GPATCH11: variants seen among roughly 807,000 people sequenced by gnomAD.
The protein encoded by GPATCH11 is G patch domain-containing protein 11.
A neutral mutation model predicts 44.8 loss-of-function variants in GPATCH11; 32 were observed. That is an observed-to-expected ratio of 0.71 (90% CI 0.54 to 0.96). The LOEUF (loss-of-function observed/expected upper bound fraction) is 0.96, where lower values mean the gene tolerates loss of function less well. GPATCH11 is among the 40% of genes least tolerant of loss of function. The pLI is 0.00. For synonymous variants in GPATCH11, 84 were observed against 94.4 expected (o/e 0.89, Z 0.64); for missense variants, 324 against 303.1 (o/e 1.07, Z -0.51).
At chr2:37,090,278 A>T (rs1572978886) in intron 3 of GPATCH11, among the ~76,000 whole-genome samples, 2 of 152,232 alleles carry the variant, frequency 1.3e-5, no homozygotes, top group East Asian at 3.8e-4. Flanking sequence ...GGAGAGGCTC[A>T]ATTCTCACCT....
At chr2:37,088,303 G>C in intron 1 of GPATCH11, 66 bp from the exon 2 acceptor site, 2 of 707,432 alleles carry the variant, frequency 2.8e-6, no homozygotes, top group South Asian at 4.5e-5. Flanking sequence ...CATGGCTGCA[G>C]ATACAGAAAG....
chr2:37,093,963 T>C (rs1673450304), intron 6 of GPATCH11, 119 bp from the exon 7 acceptor site: 1 of 700,950 alleles, frequency 1.4e-6, no homozygotes, highest in Non-Finnish European at 2.5e-6. Context: ...CCAGTGTTTT[T>C]ACTCTTAAAG....
rs768914351 is a variant in GPATCH11 at position 37,091,902 on chromosome 2, T to G, written c.329-14T>G. 1.2e-5 allele frequency: 20 copies of G among 1,604,136 alleles called. No homozygotes were observed. The highest frequency in any genetic ancestry group is 1.7e-5 in the Non-Finnish European group (20 of 1,174,314). On this transcript the variant is annotated splice_polypyrimidine_tract_variant and intron_variant, in intron 4 of 8. Coordinates refer to ENST00000674370, the MANE Select transcript of GPATCH11 (RefSeq NM_174931.4). ...AGTCAGGATGTTTCTCATCAGAATT[T>G]TCTGTTTGAATAGGGAAAAGTGGCA...
At chr2:37,090,554 A>G (rs1673267200) in intron 3 of GPATCH11, 127 bp from the exon 4 acceptor site, 1 of 602,738 alleles carries the variant, frequency 1.7e-6, no homozygotes, top group Non-Finnish European at 3.0e-6. Context: ...ATAGATGTTC[A>G]GATTTCAATT....
chr2:37,087,373 A>G (rs1296734805), intron 1 of GPATCH11, among the ~76,000 whole-genome samples: 1 of 152,232 alleles, frequency 6.6e-6, no homozygotes, highest in Non-Finnish European at 1.5e-5. Flanking sequence ...TTTTGTCTTA[A>G]GCAACTGAAC....
chr2:37,092,066 C>A, intron 5 of GPATCH11, 30 bp downstream of exon 5: 1 of 1,611,126 alleles, frequency 6.2e-7, no homozygotes, highest in South Asian at 1.1e-5. Flanking sequence ...GGTTTTGGTT[C>A]TATTTCCTCT....
chr2:37,093,795 G>A (rs909996881), intron 6 of GPATCH11, among the ~76,000 whole-genome samples: 1 of 151,922 alleles, frequency 6.6e-6, no homozygotes, highest in Non-Finnish European at 1.5e-5. Context: ...TAGCTGGGAC[G>A]ACAGGCATGC....
intron 2 of GPATCH11, 56 bp from the exon 3 acceptor site, chr2:37,089,584 A>T (rs1376155558): frequency 1.5e-6 from 2 of 1,293,852 alleles, no homozygotes; most frequent in Non-Finnish European, 2.1e-6. Flanking sequence ...TAAAAAAAAA[A>T]AAAAAGAAAA....
chr2:37,084,692 T>A, intron 1 of GPATCH11, 122 bp downstream of exon 1: 1 of 760,230 alleles, frequency 1.3e-6, no homozygotes, highest in Non-Finnish European at 1.8e-6. Context: ...TGGTTGCGTC[T>A]GTGGGACGCT....
At position 37,094,174 on chromosome 2, in the gene GPATCH11, A is replaced by G. The variant is rs1424641115; in HGVS notation, c.633A>G (p.Glu211=). ...AAGAAAAAGAACAGGATGAAGATGA[A>G]TATAAGAGTGAAGATTTAAGCGTAT... ...DEEEKEQDED[E]YKSEDLSVLE... Residue 211 remains glutamate, a synonymous_variant, in exon 7 of 9, where the codon GAA becomes GAG. Transcript: ENST00000674370. The G allele has an allele frequency of 6.4e-7, 1 of 1,558,932 alleles. No individual in the cohort carries two copies. The highest frequency in any genetic ancestry group is 1.9e-5 in the Admixed American group (1 of 51,948).
Position 37,084,587 on chromosome 2 carries a change from G to T in GPATCH11, c.-14+17G>T, listed in dbSNP as rs1392832966. ...AGCTGTCAGGTAAGAGAGCTGTCAG[G>T]TAAGGGTCTGGGGACAACCGGTAGA... On this transcript the variant is annotated intron_variant, in intron 1 of 8. Transcript: ENST00000674370. The T allele has an allele frequency of 3.2e-6, 4 of 1,232,154 alleles. No individual in the cohort carries two copies. Among genetic ancestry groups the T allele is most frequent in the Non-Finnish European group, 4.0e-6 (4 of 988,026 alleles). 76.3% of individuals were successfully genotyped at this position (1,232,154 alleles called of 1,614,324 possible). A position where few individuals can be genotyped will look rare whatever the true frequency, so the allele number is the denominator to read the frequency against.
intron 2 of GPATCH11, among the ~76,000 whole-genome samples, chr2:37,089,006 C>T (rs945513445): frequency 6.6e-6 from 1 of 152,164 alleles, no homozygotes; most frequent in Non-Finnish European, 1.5e-5. Context: ...TTTATTACAT[C>T]ATATTGTCTC....
rs62621388 is a variant in GPATCH11 at position 37,092,013 on chromosome 2, A to C, written c.426A>C (p.Glu142Asp). The change falls in exon 5 of 9, where the codon GAA (glutamate) becomes GAC (aspartate). Residue 142 changes from glutamate (E) to aspartate (D), a missense_variant. Physicochemically the swap from Glu to Asp is conservative, Grantham distance 45. Coordinates refer to ENST00000674370, the MANE Select transcript of GPATCH11 (RefSeq NM_174931.4). ...RKKIHMKNQAEEKAAEQFRMR... is the reference protein window; with the variant it reads ...RKKIHMKNQADEKAAEQFRMR... Reference sequence around the variant, plus strand: ...AGATTCACATGAAAAACCAAGCTGAAGAAAAAGCTGCAGAACAGTTTCGGT... The same window carrying C: ...AGATTCACATGAAAAACCAAGCTGACGAAAAAGCTGCAGAACAGTTTCGGT... The C allele has an allele frequency of 0.048, 76,755 of 1,613,144 alleles. 2,099 individuals are homozygous for C. The highest frequency in any genetic ancestry group is 0.054 in the Non-Finnish European group (64,233 of 1,179,290).
At chr2:37,095,400 C>A in intron 7 of GPATCH11, 37 bp from the exon 8 acceptor site, 1 of 1,573,886 alleles carries the variant, frequency 6.4e-7, no homozygotes, top group South Asian at 1.2e-5. Context: ...AGGTTCTGTT[C>A]AATGTAAAGT....
rs1471425341 is a variant in GPATCH11 at position 37,098,675 on chromosome 2, C to A, written c.*2412C>A. The A allele has an allele frequency of 6.6e-6, 1 of 152,208 alleles. No individual in the cohort carries two copies. The highest frequency in any genetic ancestry group is 6.5e-5 in the Admixed American group (1 of 15,280). 9.4% of individuals were successfully genotyped at this position (152,208 alleles called of 1,614,324 possible). ...ATGACTTCACCAGGATTGTGGTCTA[C>A]ATTTACAGGCCTAGTACTAGAACTA... is the stretch of plus-strand genomic sequence containing the variant. On this transcript the variant is annotated 3_prime_UTR_variant, in exon 9 of 9. Coordinates refer to ENST00000674370, the MANE Select transcript of GPATCH11 (RefSeq NM_174931.4).
intron 7 of GPATCH11, among the ~76,000 whole-genome samples, chr2:37,095,191 C>T (rs1461276368): frequency 2.0e-5 from 3 of 152,054 alleles, no homozygotes; most frequent in Admixed American, 6.6e-5. Flanking sequence ...ATAAGGCCAC[C>T]CAAAAACTAT....
intron 1 of GPATCH11, 29 bp downstream of exon 1, chr2:37,084,599 G>T (rs933893600): frequency 2.4e-6 from 3 of 1,227,322 alleles, no homozygotes; most frequent in Admixed American, 4.2e-5. Context: ...AAGGGTCTGG[G>T]GACAACCGGT....
At chr2:37,090,862 T>C in intron 4 of GPATCH11, 140 bp downstream of exon 4, 1 of 548,584 alleles carries the variant, frequency 1.8e-6, no homozygotes, top group East Asian at 3.3e-5. Context: ...TTTCTAAACC[T>C]CTTCAACCAG....
At chr2:37,093,990 C>T (rs564556896) in intron 6 of GPATCH11, 92 bp from the exon 7 acceptor site, 9 of 821,734 alleles carry the variant, frequency 1.1e-5, no homozygotes, top group African/African-American at 5.1e-5. Flanking sequence ...TCAGTGAATA[C>T]GTATTGAAAG....
Sources: gnomAD v4.1 joint callset for allele counts (sites outside exome capture counted in the v4.1 genomes callset) on GRCh38, gnomAD v4.1.1 for gene constraint, MANE v1.5 for transcripts, NCBI Gene and HGNC (gene_info 2026-07-23, HGNC 2026-07-21) for gene names.